GOLPH3L: variants seen among roughly 807,000 people sequenced by gnomAD.
GOLPH3L encodes golgi phosphoprotein 3 like, also known as Golgi phosphoprotein 3-like.
A neutral mutation model predicts 30.3 loss-of-function variants in GOLPH3L; 22 were observed. The ratio of observed to expected loss-of-function variants is 0.73; its 90% CI spans 0.52 to 1.04. The LOEUF (loss-of-function observed/expected upper bound fraction) is 1.04, where lower values mean the gene tolerates loss of function less well. Among genes scored for constraint, GOLPH3L ranks in the 50% least tolerant of loss-of-function variants. The probability of loss-of-function intolerance (pLI) is 0.00; values close to 1 mark genes in which losing one functional copy is unlikely to be tolerated. For missense variants in GOLPH3L, 303 were observed against 345.8 expected, an observed-to-expected ratio of 0.88 and a Z score of 0.98; for synonymous variants, 120 against 128.2, an observed-to-expected ratio of 0.94 and a Z score of 0.43.
chr1:150,657,672 G>A (rs996641178), intron 4 of GOLPH3L, among the ~76,000 whole-genome samples: 2 of 152,084 alleles, frequency 1.3e-5, no homozygotes, highest in Admixed American at 1.3e-4. Context: ...TAATGCCCCA[G>A]GCTATACTAG....
chr1:150,683,544 A>T (rs1651011145), intron 2 of GOLPH3L, among the ~76,000 whole-genome samples: 1 of 148,228 alleles, frequency 6.7e-6, no homozygotes, highest in Non-Finnish European at 1.5e-5. Context: ...AAAAAAAAAA[A>T]AAAAAAAAAT....
intron 2 of GOLPH3L, among the ~76,000 whole-genome samples, chr1:150,666,353 T>C (rs955895588): frequency 5.9e-5 from 9 of 152,164 alleles, no homozygotes; most frequent in Admixed American, 1.3e-4. Flanking sequence ...TTTGTTTGTT[T>C]GTTTGTTTCT....
At chr1:150,686,028 C>T (rs1651079063) in intron 2 of GOLPH3L, among the ~76,000 whole-genome samples, 1 of 151,752 alleles carries the variant, frequency 6.6e-6, no homozygotes, top group South Asian at 2.1e-4. Context: ...GTGCGTGCCA[C>T]CACACCCGGC....
chr1:150,663,080 G>C (rs903628320), intron 3 of GOLPH3L, among the ~76,000 whole-genome samples: 3 of 151,810 alleles, frequency 2.0e-5, no homozygotes, highest in Non-Finnish European at 2.9e-5. Flanking sequence ...TGTCCCCCAG[G>C]CTGGAGTGCA....
chr1:150,664,191 A>G (rs182443291), intron 2 of GOLPH3L, among the ~76,000 whole-genome samples: 6 of 151,948 alleles, frequency 3.9e-5, no homozygotes, highest in African/African-American at 1.4e-4. Flanking sequence ...TTTTGTAGAG[A>G]CAAGGTCTTG....
At chr1:150,675,361 A>G (rs1650749183) in intron 2 of GOLPH3L, among the ~76,000 whole-genome samples, 1 of 152,070 alleles carries the variant, frequency 6.6e-6, no homozygotes, top group South Asian at 2.1e-4. Flanking sequence ...AAAAATAAAA[A>G]TCACCCATAA....
At chr1:150,650,200 T>A (rs935422992) in intron 4 of GOLPH3L, among the ~76,000 whole-genome samples, 1 of 152,006 alleles carries the variant, frequency 6.6e-6, no homozygotes, top group Non-Finnish European at 1.5e-5. Flanking sequence ...GATAAAAAAA[T>A]TTAATTGGCT....
chr1:150,669,527 G>C (rs1199650815), intron 2 of GOLPH3L, among the ~76,000 whole-genome samples: 1 of 152,158 alleles, frequency 6.6e-6, no homozygotes, highest in East Asian at 1.9e-4. Flanking sequence ...TTCACCATTT[G>C]ATCATTAAAT....
intron 4 of GOLPH3L, among the ~76,000 whole-genome samples, chr1:150,657,545 C>A (rs1046663185): frequency 2.0e-5 from 3 of 152,234 alleles, no homozygotes; most frequent in African/African-American, 7.2e-5. Context: ...TATGTGTGGA[C>A]ACCTTTTCTC....
intron 1 of GOLPH3L, among the ~76,000 whole-genome samples, chr1:150,695,647 T>G (rs918429899): frequency 6.6e-6 from 1 of 152,076 alleles, no homozygotes; most frequent in Non-Finnish European, 1.5e-5. Context: ...AAATAGAAAG[T>G]AAAAAAGAAT....
chr1:150,663,360 T>C (rs1266487422), intron 3 of GOLPH3L, among the ~76,000 whole-genome samples: 1 of 152,076 alleles, frequency 6.6e-6, no homozygotes. Context: ...GTTATAGCTA[T>C]AGATATAGGA....
chr1:150,681,030 C>A (rs963405332), intron 2 of GOLPH3L, among the ~76,000 whole-genome samples: 1 of 152,118 alleles, frequency 6.6e-6, no homozygotes, highest in Non-Finnish European at 1.5e-5. Flanking sequence ...ATCCCAGCTA[C>A]TCGGGAGGCT....
intron 4 of GOLPH3L, among the ~76,000 whole-genome samples, chr1:150,650,865 C>G (rs1347148980): frequency 2.0e-5 from 3 of 151,998 alleles, no homozygotes; most frequent in Admixed American, 6.5e-5. Flanking sequence ...TTGACCCATT[C>G]AGAAGAAAAA....
intron 2 of GOLPH3L, among the ~76,000 whole-genome samples, chr1:150,679,682 C>T (rs1650905475): frequency 6.6e-6 from 1 of 152,154 alleles, no homozygotes; most frequent in Non-Finnish European, 1.5e-5. Context: ...CGCCTGTAGT[C>T]CCAGCTATTT....
chr1:150,688,675 C>A (rs587646594), intron 2 of GOLPH3L, among the ~76,000 whole-genome samples: 1 of 152,064 alleles, frequency 6.6e-6, no homozygotes, highest in Non-Finnish European at 1.5e-5. Flanking sequence ...CGCTTGAATC[C>A]GGGAGGTGGA....
intron 4 of GOLPH3L, among the ~76,000 whole-genome samples, chr1:150,657,132 C>T (rs1409693354): frequency 1.3e-5 from 2 of 152,124 alleles, no homozygotes; most frequent in Non-Finnish European, 2.9e-5. Flanking sequence ...TGCTCAGTTA[C>T]GATTTCATAC....
At chr1:150,687,924 A>T (rs587649642) in intron 2 of GOLPH3L, among the ~76,000 whole-genome samples, 7 of 152,350 alleles carry the variant, frequency 4.6e-5, no homozygotes, top group Middle Eastern at 3.4e-3. Context: ...AATCAGGATG[A>T]ACTGGATTAA....
chr1:150,651,642 C>CAAAAT (rs1650107085), intron 4 of GOLPH3L, among the ~76,000 whole-genome samples: 1 of 60,852 alleles, frequency 1.6e-5, no homozygotes, highest in South Asian at 5.6e-4. Context: ...GAGCGAAACT[C>CAAAAT]AAAAAAAAAA....
intron 2 of GOLPH3L, among the ~76,000 whole-genome samples, chr1:150,691,534 AAAAAC>A (rs975188422): frequency 6.6e-6 from 1 of 152,074 alleles, no homozygotes; most frequent in Non-Finnish European, 1.5e-5. Context: ...AAACAAAAAC[AAAAAC>A]AAAACTATGA....
Sources: gnomAD v4.1 joint callset for allele counts (sites outside exome capture counted in the v4.1 genomes callset) on GRCh38, gnomAD v4.1.1 for gene constraint, MANE v1.5 for transcripts, NCBI Gene and HGNC (gene_info 2026-07-23, HGNC 2026-07-21) for gene names.